The following GRIK4 variants were observed in gnomAD, a reference collection of about 807,000 sequenced individuals.
GRIK4 encodes glutamate receptor ionotropic, kainate 4.
In GRIK4, 40 loss-of-function variants were observed where a neutral mutation model predicts 104.9. The ratio of observed to expected loss-of-function variants is 0.38; its 90% CI spans 0.30 to 0.50. GRIK4 has a LOEUF of 0.50. Among genes scored for constraint, GRIK4 ranks in the 20% least tolerant of loss-of-function variants. The pLI, the probability that GRIK4 is intolerant of heterozygous loss-of-function variation, is 0.93. For missense variants in GRIK4, 1,047 were observed against 1,308.1 expected (o/e 0.80, Z 3.08); for synonymous variants, 485 against 524.9 (o/e 0.92, Z 1.04).
At chr11:120,759,158 C>T (rs1951702153) in intron 3 of GRIK4, among the ~76,000 whole-genome samples, 1 of 152,150 alleles carries the variant, frequency 6.6e-6, no homozygotes, top group African/African-American at 2.4e-5. Context: ...AGAAGTTAGC[C>T]AGGCAAGCAA....
At chr11:120,896,041 G>T (rs1942570209) in intron 11 of GRIK4, among the ~76,000 whole-genome samples, 1 of 152,242 alleles carries the variant, frequency 6.6e-6, no homozygotes, top group Non-Finnish European at 1.5e-5. Flanking sequence ...GCAATCTGCT[G>T]ATAGACAATG....
Position 120,986,112 on chromosome 11 carries a change from A to G in GRIK4, c.2723A>G (p.Glu908Gly). Residue 908 changes from glutamate (E) to glycine (G), a missense_variant, in exon 21 of 21, where the codon GAG (glutamate) becomes GGG (glycine). Glu to Gly is a moderately conservative substitution (Grantham distance 98, BLOSUM62 -2). Around this residue, in one of 3 missense-constraint regions of GRIK4, gnomAD observed 160 missense variants for 140.9 expected, o/e 1.14. Transcript: ENST00000527524. ...CAGCTCGCGCAGAGACTGGCGCAGGAGGCCGCCCTGGTGGCCCGCGGCTGC... is the reference window on the plus strand; with the variant it reads ...CAGCTCGCGCAGAGACTGGCGCAGGGGGCCGCCCTGGTGGCCCGCGGCTGC... ...PDQLAQRLAQ[E>G]AALVARGCTH... 3.3e-6 allele frequency: 5 copies of G among 1,515,332 alleles called. No individual in the cohort carries two copies. Among genetic ancestry groups the G allele is most frequent in the Non-Finnish European group, 4.4e-6 (5 of 1,139,398 alleles). 93.9% of individuals were successfully genotyped at this position (1,515,332 alleles called of 1,614,324 possible). A position where few individuals can be genotyped will look rare whatever the true frequency, so the allele number is the denominator to read the frequency against.
chr11:120,675,754 T>A (rs184198824), intron 3 of GRIK4, among the ~76,000 whole-genome samples: 113 of 152,248 alleles, frequency 7.4e-4, no homozygotes, highest in African/African-American at 2.6e-3. Flanking sequence ...ACTCACCTTA[T>A]AGAATTGTTG....
intron 13 of GRIK4, among the ~76,000 whole-genome samples, chr11:120,931,366 CT>C (rs1193611929): frequency 6.6e-6 from 1 of 152,270 alleles, no homozygotes; most frequent in Non-Finnish European, 1.5e-5. Context: ...TCATGCTGAC[CT>C]TGGCTGGAGT....
At chr11:120,834,263 G>GGGGT (rs1555075076) in intron 7 of GRIK4, among the ~76,000 whole-genome samples, 8 of 145,992 alleles carry the variant, frequency 5.5e-5, no homozygotes, top group African/African-American at 1.5e-4. Flanking sequence ...ACACTTTATA[G>GGGGT]GTGTGTGTGT....
At chr11:120,561,739 TCTC>T (rs1383092449) in intron 1 of GRIK4, among the ~76,000 whole-genome samples, 2 of 152,096 alleles carry the variant, frequency 1.3e-5, no homozygotes, top group Non-Finnish European at 2.9e-5. Context: ...CACCCCCACA[TCTC>T]CTCCCTCTCC....
chr11:120,664,251 G>A (rs753575017), intron 3 of GRIK4, among the ~76,000 whole-genome samples: 4 of 152,192 alleles, frequency 2.6e-5, no homozygotes, highest in Non-Finnish European at 5.9e-5. Context: ...ATGTCCATCT[G>A]TCTGTCTTAC....
At chr11:120,788,857 G>A (rs370172621) in intron 3 of GRIK4, among the ~76,000 whole-genome samples, 2 of 150,520 alleles carry the variant, frequency 1.3e-5, no homozygotes, top group Non-Finnish European at 3.0e-5. Context: ...TTCACTTCTC[G>A]GCCGCTCCTC....
At chr11:120,525,332 G>C (rs61900877) in intron 1 of GRIK4, among the ~76,000 whole-genome samples, 16,321 of 152,158 alleles carry the variant, frequency 0.11, 1,135 homozygotes, top group African/African-American at 0.2. Context: ...TCCCCTGGCC[G>C]CTAGTGCCTT....
intron 9 of GRIK4, among the ~76,000 whole-genome samples, chr11:120,862,609 G>T (rs1312137886): frequency 6.6e-6 from 1 of 152,118 alleles, no homozygotes; most frequent in East Asian, 1.9e-4. Flanking sequence ...CTGGTGCTCT[G>T]TCCACCCCCT....
chr11:120,777,155 A>G (rs937296601), intron 3 of GRIK4, among the ~76,000 whole-genome samples: 8 of 152,174 alleles, frequency 5.3e-5, no homozygotes, highest in South Asian at 2.1e-4. Flanking sequence ...TTCAAAGTTT[A>G]TCTTTGAGAT....
chr11:120,738,821 T>G (rs1951273547), intron 3 of GRIK4, among the ~76,000 whole-genome samples: 1 of 152,178 alleles, frequency 6.6e-6, no homozygotes, highest in Non-Finnish European at 1.5e-5. Context: ...GTGCCTTCCC[T>G]CTGAAGCTCA....
At chr11:120,713,381 G>T (rs1051425860) in intron 3 of GRIK4, among the ~76,000 whole-genome samples, 1 of 152,188 alleles carries the variant, frequency 6.6e-6, no homozygotes, top group Non-Finnish European at 1.5e-5. Context: ...CCTGGCACCT[G>T]AAAAGCCCCC....
chr11:120,619,904 T>A, intron 1 of GRIK4: 1 of 295,304 alleles, frequency 3.4e-6, no homozygotes, highest in Non-Finnish European at 6.3e-6. Flanking sequence ...CTGAAAAGAG[T>A]TAACAGTGTA....
At chr11:120,697,609 T>C (rs78634274) in intron 3 of GRIK4, among the ~76,000 whole-genome samples, 16,643 of 152,174 alleles carry the variant, frequency 0.11, 974 homozygotes, top group South Asian at 0.15. Flanking sequence ...AGTGAGACTC[T>C]GTCTCCAAAA....
rs1220294262 is a variant in GRIK4, at chr11:120,956,235, CT to C, written c.1701-544del. 2.7e-5 allele frequency among the ~76,000 whole-genome samples: 4 copies of C among 149,178 alleles called. No homozygotes were observed. The highest frequency in any genetic ancestry group is 5.9e-5 in the Non-Finnish European group (4 of 67,594). The stretch of plus-strand genomic sequence containing the variant: ...TTTTTTTTTGAGACAGGGTCTCACT[CT>C]GTTTGTCCAGGCTGGAGTACAGTGG... On this transcript the variant is annotated intron_variant, in intron 15 of 20. Transcript: ENST00000527524. The surrounding 1 kb of genome is among the most constrained non-coding windows in gnomAD (Gnocchi z 4.6).
chr11:120,516,740 C>A (rs1287839599), intron 1 of GRIK4, among the ~76,000 whole-genome samples: 2 of 152,098 alleles, frequency 1.3e-5, no homozygotes, highest in Non-Finnish European at 2.9e-5. Context: ...ATGAAGGAGC[C>A]GGAAGTGTCA....
intron 1 of GRIK4, among the ~76,000 whole-genome samples, chr11:120,644,046 A>T (rs199866440): frequency 0.085 from 5,821 of 68,564 alleles, 235 homozygotes; most frequent in African/African-American, 0.2. Context: ...TGTGTGTGTG[A>T]GAGAGAGAGA....
chr11:120,719,032 T>G (rs1950886608), intron 3 of GRIK4, among the ~76,000 whole-genome samples: 1 of 152,192 alleles, frequency 6.6e-6, no homozygotes, highest in Non-Finnish European at 1.5e-5. Context: ...TTTTGCGGGT[T>G]TTTTTTAGAT....
Sources: allele counts gnomAD v4.1 joint callset (sites outside exome capture counted in the v4.1 genomes callset), GRCh38; gene constraint gnomAD v4.1.1; regional missense constraint gnomAD v4.1.1; non-coding constraint Gnocchi (gnomAD v3.1); transcripts MANE v1.5; gene names NCBI Gene and HGNC (gene_info 2026-07-23, HGNC 2026-07-21).